CDH7: variants seen among roughly 807,000 people sequenced by gnomAD.
CDH7 encodes cadherin-7.
Under a neutral mutation model 71.8 loss-of-function variants are expected in CDH7, and 25 were observed. The ratio of observed to expected loss-of-function variants is 0.35; its 90% CI spans 0.25 to 0.49. The LOEUF (loss-of-function observed/expected upper bound fraction) is 0.49. Among genes scored for constraint, CDH7 ranks in the 20% least tolerant of loss-of-function variants. The probability of loss-of-function intolerance (pLI) is 0.99; values close to 1 mark genes in which losing one functional copy is unlikely to be tolerated. For synonymous variants in CDH7, 381 were observed against 363.8 expected (o/e 1.05, Z -0.54); for missense variants, 862 against 974.6 (o/e 0.88, Z 1.54).
intron 2 of CDH7, among the ~76,000 whole-genome samples, chr18:65,779,367 T>G (rs1383769396): frequency 1.7e-5 from 2 of 118,350 alleles, no homozygotes; most frequent in Non-Finnish European, 3.4e-5. Flanking sequence ...GTTAGTTACA[T>G]ATGTATACAT....
intron 7 of CDH7, among the ~76,000 whole-genome samples, chr18:65,846,006 TCCTGTTTAAATTATTCTATTACCCACTC>T (rs1912922307): frequency 6.6e-6 from 1 of 152,170 alleles, no homozygotes; most frequent in Non-Finnish European, 1.5e-5. Flanking sequence ...GATATTTTTA[TCCTGTTTAAATTATTCTATTACCCACTC>T]CCTTGTTGTC....
intron 2 of CDH7, among the ~76,000 whole-genome samples, chr18:65,799,654 T>C (rs951181382): frequency 6.6e-5 from 10 of 151,312 alleles, no homozygotes; most frequent in East Asian, 2.0e-4. Context: ...GCAGCCTGGG[T>C]GACAGAGCGA....
chr18:65,823,545 T>G (rs2143940525), intron 5 of CDH7, among the ~76,000 whole-genome samples: 1 of 152,010 alleles, frequency 6.6e-6, no homozygotes, highest in East Asian at 1.9e-4. Context: ...TTCTCTACCG[T>G]TGAATCACTA....
intron 6 of CDH7, among the ~76,000 whole-genome samples, chr18:65,826,194 A>G (rs931288): frequency 0.56 from 84,838 of 151,074 alleles, 28,409 homozygotes; most frequent in East Asian, 0.97. Flanking sequence ...TGTCATCTAA[A>G]AGCATAAAAC....
intron 2 of CDH7, among the ~76,000 whole-genome samples, chr18:65,775,588 G>T (rs1355220139): frequency 6.6e-6 from 1 of 151,976 alleles, no homozygotes; most frequent in East Asian, 1.9e-4. Context: ...GTCTTCCTTG[G>T]ACCACGTTGA....
At chr18:65,793,267 T>C (rs1445997831) in intron 2 of CDH7, among the ~76,000 whole-genome samples, 1 of 151,926 alleles carries the variant, frequency 6.6e-6, no homozygotes, top group African/African-American at 2.4e-5. Flanking sequence ...ACCCTGTCTC[T>C]ACAAAAAATA....
At chr18:65,765,956 C>A (rs1187379960) in intron 2 of CDH7, among the ~76,000 whole-genome samples, 1 of 151,994 alleles carries the variant, frequency 6.6e-6, no homozygotes, top group African/African-American at 2.4e-5. Context: ...TTACTCTGGA[C>A]ATTATTATAT....
chr18:65,803,878 A>G (rs950337721), intron 2 of CDH7: 8 of 149,598 alleles, frequency 5.3e-5, no homozygotes, highest in Admixed American at 5.3e-4. Context: ...AAAAGAACAC[A>G]CACACTTTTT....
At position 65,889,074 on chromosome 18, in the gene CDH7, C is replaced by A. The variant is rs1240128181; in HGVS notation, c.*8180C>A. ...TTATATTGTCATTACGATGGCACTT[C>A]ACCAGTATGTCCTAATCTATTCTCT... On this transcript the variant is annotated 3_prime_UTR_variant, in exon 12 of 12. Transcript: ENST00000397968. 4.8e-5 allele frequency: 7 copies of A among 147,336 alleles called. No individual in the cohort carries two copies. The highest frequency in any genetic ancestry group is 1.5e-5 in the Non-Finnish European group (1 of 65,224). 9.1% of individuals were successfully genotyped at this position (147,336 alleles called of 1,614,324 possible). A position where few individuals can be genotyped will look rare whatever the true frequency, so the allele number is the denominator to read the frequency against.
rs1914454993 is a variant in CDH7, at chr18:65,889,577, T to C, written c.*8683T>C. The C allele has an allele frequency of 6.6e-6, 1 of 152,108 alleles. No homozygotes were observed. Among genetic ancestry groups the C allele is most frequent in the South Asian group, 2.1e-4 (1 of 4,828 alleles). 9.4% of individuals were successfully genotyped at this position (152,108 alleles called of 1,614,324 possible). On this transcript the variant is annotated 3_prime_UTR_variant, in exon 12 of 12. Coordinates refer to ENST00000397968, the MANE Select transcript of CDH7 (RefSeq NM_004361.5). ...GAACTTCAGATAATTCAGGTAATTA[T>C]CAGAAACATGACAAGAAAAAGCTTT...
In CDH7 at chr18:65,812,288, T is replaced by G. The variant is rs1409015806; in HGVS notation, c.506-2197T>G. The stretch of plus-strand genomic sequence containing the variant: ...TCACAGTGCTTCAATAATTTATATT[T>G]AAGTTATATACTTGGCTGATTCAAA... On this transcript the variant is annotated intron_variant, in intron 3 of 11. Transcript: ENST00000397968. Among the ~76,000 whole-genome samples, 9 of 152,136 alleles carry G rather than the reference T, an allele frequency of 5.9e-5. 1 individual carries two copies. The highest frequency in any genetic ancestry group is 7.4e-5 in the Non-Finnish European group (5 of 68,020).
At chr18:65,843,476 A>G (rs1484874996) in intron 6 of CDH7, among the ~76,000 whole-genome samples, 2 of 152,176 alleles carry the variant, frequency 1.3e-5, no homozygotes, top group African/African-American at 4.8e-5. Flanking sequence ...GTTAAGTTAC[A>G]TGGTTGAAGA....
intron 7 of CDH7, among the ~76,000 whole-genome samples, chr18:65,857,016 TAAA>T (rs5825658): frequency 5.5e-5 from 8 of 144,756 alleles, no homozygotes; most frequent in African/African-American, 1.5e-4. Flanking sequence ...GAGTAAGATT[TAAA>T]AAAAAAAAAA....
intron 10 of CDH7, among the ~76,000 whole-genome samples, chr18:65,860,453 C>A (rs954878424): frequency 2.1e-4 from 32 of 151,996 alleles, no homozygotes; most frequent in African/African-American, 7.5e-4. Flanking sequence ...TTACAAATAC[C>A]TACAAGTAGA....
At chr18:65,762,455 T>G (rs1468297248) in intron 1 of CDH7, among the ~76,000 whole-genome samples, 192 bp from the exon 2 acceptor site, 1 of 152,144 alleles carries the variant, frequency 6.6e-6, no homozygotes, top group Admixed American at 6.6e-5. Context: ...TTTATGTAAT[T>G]CACAAATATA....
At position 65,780,251 on chromosome 18, in the gene CDH7, G is replaced by T. The variant is rs1426185276; in HGVS notation, c.210+17199G>T. Among the ~76,000 whole-genome samples the T allele has an allele frequency of 8.4e-5, 10 of 119,008 alleles. 1 individual carries two copies. Among genetic ancestry groups the T allele is most frequent in the African/African-American group, 1.1e-4 (3 of 26,880 alleles). 78.1% of individuals were successfully genotyped at this position (119,008 alleles called of 152,430 possible). A position where few individuals can be genotyped will look rare whatever the true frequency, so the allele number is the denominator to read the frequency against. On this transcript the variant is annotated intron_variant, in intron 2 of 11. Transcript: ENST00000397968. ...TGCTAAAATTTTCTCCCATTCTGTA[G>T]GTTGCCTGTTCACTCTGATGGTAGT...
At chr18:65,869,960 T>C (rs952806376) in intron 11 of CDH7, among the ~76,000 whole-genome samples, 2 of 152,174 alleles carry the variant, frequency 1.3e-5, no homozygotes, top group African/African-American at 2.4e-5. Flanking sequence ...TTTTAGGACA[T>C]TTTTCTGAGA....
At position 65,885,212 on chromosome 18, in the gene CDH7, A is replaced by ATG. The variant is rs1458143795; in HGVS notation, c.*4320_*4321dup. 1.3e-5 allele frequency: 2 copies of ATG among 151,712 alleles called. No homozygotes were observed. The highest frequency in any genetic ancestry group is 2.9e-5 in the Non-Finnish European group (2 of 67,948). 9.4% of individuals were successfully genotyped at this position (151,712 alleles called of 1,614,324 possible). On this transcript the variant is annotated 3_prime_UTR_variant, in exon 12 of 12. Transcript: ENST00000397968. Reference sequence around the variant, plus strand: ...GATAAGCCCTTAAGAAAAATGGGAGATGTTTAAGGCTGTGATTTGGCCGAC... The same window carrying ATG: ...GATAAGCCCTTAAGAAAAATGGGAGATGTGTTTAAGGCTGTGATTTGGCCGAC...
intron 7 of CDH7, among the ~76,000 whole-genome samples, chr18:65,854,932 T>C (rs62088987): frequency 2.0e-5 from 3 of 148,768 alleles, no homozygotes; most frequent in South Asian, 2.1e-4. Flanking sequence ...TATATATATA[T>C]ACACACACAT....
Sources: gnomAD v4.1 joint callset for allele counts (sites outside exome capture counted in the v4.1 genomes callset) on GRCh38, gnomAD v4.1.1 for gene constraint, MANE v1.5 for transcripts, NCBI Gene and HGNC (gene_info 2026-07-23, HGNC 2026-07-21) for gene names.